The following CDKAL1 variants were observed in gnomAD, a reference collection of about 807,000 sequenced individuals.
CDKAL1 encodes threonylcarbamoyladenosine tRNA methylthiotransferase.
CDKAL1 carries 32 observed loss-of-function variants against 68.2 expected under a neutral mutation model. The observed-to-expected ratio is 0.47, with a 90% CI of 0.35 to 0.63. The LOEUF is 0.63. CDKAL1 is among the 30% of genes least tolerant of loss of function. The probability of loss-of-function intolerance (pLI) is 0.00; values close to 1 mark genes in which losing one functional copy is unlikely to be tolerated. For missense variants in CDKAL1, 606 were observed against 696.7 expected (o/e 0.87, Z 1.47); for synonymous variants, 234 against 244.3 (o/e 0.96, Z 0.39).
intron 9 of CDKAL1, among the ~76,000 whole-genome samples, chr6:20,849,440 G>A (rs1010093141): frequency 3.3e-5 from 5 of 152,050 alleles, no homozygotes; most frequent in Middle Eastern, 3.4e-3. Flanking sequence ...AAAATTAGCC[G>A]GGCGTGGTGG....
At chr6:20,649,047 AAAGT>A (rs1339788976) in intron 4 of CDKAL1, among the ~76,000 whole-genome samples, 1 of 152,222 alleles carries the variant, frequency 6.6e-6, no homozygotes, top group African/African-American at 2.4e-5. Flanking sequence ...TCAAGCATTG[AAAGT>A]AAAGGAAGAG....
intron 7 of CDKAL1, among the ~76,000 whole-genome samples, chr6:20,774,388 T>C (rs1204808664): frequency 1.3e-5 from 2 of 152,306 alleles, no homozygotes; most frequent in Non-Finnish European, 2.9e-5. Flanking sequence ...TAGCTAGTTA[T>C]GTTTCTATCA....
At chr6:20,890,863 AC>A (rs2150578000) in intron 9 of CDKAL1, among the ~76,000 whole-genome samples, 1 of 152,356 alleles carries the variant, frequency 6.6e-6, no homozygotes, top group South Asian at 2.1e-4. Flanking sequence ...AATAATAAAA[AC>A]AATAGTAACG....
At chr6:20,721,693 A>G (rs1314616151) in intron 5 of CDKAL1, among the ~76,000 whole-genome samples, 1 of 139,984 alleles carries the variant, frequency 7.1e-6, no homozygotes. Context: ...GTGCGTAAGC[A>G]TTCCTTCTTC....
chr6:20,996,081 G>A (rs201339), intron 10 of CDKAL1, among the ~76,000 whole-genome samples: 14,242 of 152,244 alleles, frequency 0.094, 769 homozygotes, highest in Middle Eastern at 0.16. Flanking sequence ...AGCTTCAAAC[G>A]TCTTCTGCAG....
chr6:21,133,279 A>G (rs182298289), intron 13 of CDKAL1, among the ~76,000 whole-genome samples: 19 of 152,358 alleles, frequency 1.2e-4, no homozygotes, highest in Non-Finnish European at 5.9e-5. Context: ...AGATACTGTC[A>G]TCAGTACAAA....
At chr6:20,860,271 G>A (rs1330514581) in intron 9 of CDKAL1, among the ~76,000 whole-genome samples, 2 of 151,940 alleles carry the variant, frequency 1.3e-5, no homozygotes, top group Non-Finnish European at 2.9e-5. Flanking sequence ...TAGTGATGGG[G>A]TTTCACCATG....
intron 11 of CDKAL1, among the ~76,000 whole-genome samples, chr6:21,014,409 C>T (rs905689689): frequency 1.3e-5 from 2 of 152,092 alleles, no homozygotes; most frequent in African/African-American, 4.8e-5. Context: ...CAAGACCATC[C>T]TGGCCAACAT....
intron 11 of CDKAL1, among the ~76,000 whole-genome samples, chr6:21,014,749 T>G (rs914620543): frequency 2.0e-5 from 3 of 152,222 alleles, no homozygotes; most frequent in Admixed American, 1.3e-4. Flanking sequence ...TGGCTCAATA[T>G]TTGGTTTTTG....
chr6:21,126,581 C>G (rs1439796581), intron 13 of CDKAL1, among the ~76,000 whole-genome samples: 2 of 152,150 alleles, frequency 1.3e-5, no homozygotes, highest in Admixed American at 1.3e-4. Context: ...GAGTCCTCTT[C>G]CCTTTTCCTT....
chr6:20,608,783 T>C (rs1766446789), intron 4 of CDKAL1, among the ~76,000 whole-genome samples: 1 of 152,246 alleles, frequency 6.6e-6, no homozygotes. Flanking sequence ...GCAAGGGTGA[T>C]GTGTTATAAA....
intron 10 of CDKAL1, among the ~76,000 whole-genome samples, chr6:20,998,851 GATT>G (rs1561948870): frequency 6.6e-6 from 1 of 152,192 alleles, no homozygotes; most frequent in Admixed American, 6.5e-5. Context: ...TTAGTGAAAG[GATT>G]ATTTTAAACA....
At chr6:21,171,568 A>G (rs1777390495) in intron 13 of CDKAL1, among the ~76,000 whole-genome samples, 1 of 152,154 alleles carries the variant, frequency 6.6e-6, no homozygotes, top group Non-Finnish European at 1.5e-5. Flanking sequence ...GTTCTCAGAA[A>G]CCTTTTCTGT....
chr6:21,177,265 T>C (rs1204529106), intron 13 of CDKAL1, among the ~76,000 whole-genome samples: 3 of 152,220 alleles, frequency 2.0e-5, no homozygotes. Flanking sequence ...GAGATTTTTT[T>C]CCTCCACTTT....
rs115416926 is a variant in CDKAL1 at position 20,636,536 on chromosome 6, G to A, written c.287-12757G>A. Among the ~76,000 whole-genome samples the A allele has an allele frequency of 7.0e-3, 1,070 of 152,274 alleles. 19 individuals carry two copies. The highest frequency in any genetic ancestry group is 0.024 in the African/African-American group (1,004 of 41,554). Reference sequence around the variant, plus strand: ...TTGGATAGTGAGCTCAGATGCGTGTGTGAACTAGAAGTATAAATTTGGCTA... The same window carrying A: ...TTGGATAGTGAGCTCAGATGCGTGTATGAACTAGAAGTATAAATTTGGCTA... On this transcript the variant is annotated intron_variant, in intron 4 of 15. Transcript: ENST00000274695.
chr6:21,214,614 G>T (rs1779277290), intron 15 of CDKAL1, among the ~76,000 whole-genome samples: 1 of 152,044 alleles, frequency 6.6e-6, no homozygotes, highest in South Asian at 2.1e-4. Flanking sequence ...GCTTATCAGT[G>T]AGGTCACCCT....
intron 5 of CDKAL1, among the ~76,000 whole-genome samples, chr6:20,650,936 A>G (rs1189689297): frequency 6.6e-6 from 1 of 152,118 alleles, no homozygotes; most frequent in East Asian, 1.9e-4. Context: ...CACCAGTCCT[A>G]TGAAGTTTTG....
At chr6:21,065,663 ACTAT>A (rs1771397665) in intron 12 of CDKAL1, among the ~76,000 whole-genome samples, 1 of 129,008 alleles carries the variant, frequency 7.8e-6, no homozygotes, top group African/African-American at 3.0e-5. Flanking sequence ...TAGATTTGAT[ACTAT>A]CTTTCTACCT....
chr6:20,606,771 C>T (rs1167010870), intron 4 of CDKAL1, among the ~76,000 whole-genome samples: 1 of 152,206 alleles, frequency 6.6e-6, no homozygotes, highest in Non-Finnish European at 1.5e-5. Context: ...TTCGTAAAAT[C>T]TATTTCAATT....
Sources: allele counts gnomAD v4.1 joint callset (sites outside exome capture counted in the v4.1 genomes callset), GRCh38; gene constraint gnomAD v4.1.1; transcripts MANE v1.5; gene names NCBI Gene and HGNC (gene_info 2026-07-23, HGNC 2026-07-21).